Variants in CDH13 observed in about 807,000 individuals in gnomAD.
CDH13 encodes the protein cadherin-13.
Under a neutral mutation model 63.8 loss-of-function variants are expected in CDH13, and 24 were observed. That is an observed-to-expected ratio of 0.38 (90% CI 0.27 to 0.53). The LOEUF (loss-of-function observed/expected upper bound fraction) is 0.53. Among genes scored for constraint, CDH13 ranks in the 20% least tolerant of loss-of-function variants. The pLI is 0.85. For synonymous variants in CDH13, 503 were observed against 355.3 expected, an observed-to-expected ratio of 1.42 and a Z score of -4.67; for missense variants, 1,049 against 903.1, an observed-to-expected ratio of 1.16 and a Z score of -2.07.
intron 2 of CDH13, among the ~76,000 whole-genome samples, chr16:82,937,810 T>C (rs2042717933): frequency 6.6e-6 from 1 of 152,270 alleles, no homozygotes; most frequent in South Asian, 2.1e-4. Context: ...GTAGATTTAA[T>C]GTTGTTTATT....
At chr16:83,495,177 C>A (rs779222114) in intron 7 of CDH13, among the ~76,000 whole-genome samples, 6 of 152,090 alleles carry the variant, frequency 3.9e-5, no homozygotes, top group Non-Finnish European at 7.4e-5. Context: ...AACATATGCC[C>A]AAGGTGGTCG....
At chr16:82,743,716 G>C (rs1009632089) in intron 1 of CDH13, among the ~76,000 whole-genome samples, 1 of 152,148 alleles carries the variant, frequency 6.6e-6, no homozygotes, top group African/African-American at 2.4e-5. Context: ...GTCAAGTGTT[G>C]CTTGTCCCCC....
intron 2 of CDH13, among the ~76,000 whole-genome samples, chr16:83,006,633 A>G (rs1913526110): frequency 6.6e-6 from 1 of 152,210 alleles, no homozygotes; most frequent in Non-Finnish European, 1.5e-5. Context: ...TCCCTCTGAT[A>G]GTGTCTAAAG....
chr16:83,533,754 G>T (rs1026567417), intron 7 of CDH13, among the ~76,000 whole-genome samples: 1 of 150,862 alleles, frequency 6.6e-6, no homozygotes, highest in African/African-American at 2.4e-5. Flanking sequence ...CTGAGTAGCT[G>T]GGATTACAGG....
intron 5 of CDH13, among the ~76,000 whole-genome samples, chr16:83,265,726 G>GTTTTTTTTTTTTT (rs1907529856): frequency 2.4e-5 from 1 of 40,840 alleles, no homozygotes; most frequent in Non-Finnish European, 4.7e-5. Context: ...CTAAATTTCT[G>GTTTTTTTTTTTTT]CTTTTTTTTT....
chr16:83,738,677 G>A (rs1250724955), intron 10 of CDH13, among the ~76,000 whole-genome samples: 3 of 152,186 alleles, frequency 2.0e-5, no homozygotes, highest in Admixed American at 6.5e-5. Context: ...GGAGGCCAAG[G>A]CAGGTGGATC....
chr16:83,551,950 A>T (rs1193657804), intron 7 of CDH13, among the ~76,000 whole-genome samples: 1 of 152,188 alleles, frequency 6.6e-6, no homozygotes, highest in East Asian at 1.9e-4. Context: ...ATAAGTGGAT[A>T]GGTGGATGGA....
intron 3 of CDH13, among the ~76,000 whole-genome samples, chr16:83,053,348 T>C (rs2030586341): frequency 1.3e-5 from 2 of 152,150 alleles, no homozygotes; most frequent in Admixed American, 6.5e-5. Flanking sequence ...CCTTCTTTCT[T>C]TTTTGGCTTT....
At chr16:83,217,608 T>G (rs930586993) in intron 5 of CDH13, 111 bp downstream of exon 5, 6 of 1,064,180 alleles carry the variant, frequency 5.6e-6, no homozygotes, top group Non-Finnish European at 6.8e-6. Flanking sequence ...CGGGACTGCA[T>G]GGCTTTAGGG....
chr16:83,267,455 T>G (rs1479346640), intron 5 of CDH13, among the ~76,000 whole-genome samples: 1 of 152,172 alleles, frequency 6.6e-6, no homozygotes, highest in Non-Finnish European at 1.5e-5. Context: ...GTGTGTGCGA[T>G]GATTTAAATG....
At chr16:82,879,566 AT>A (rs2040621565) in intron 2 of CDH13, among the ~76,000 whole-genome samples, 1 of 142,458 alleles carries the variant, frequency 7.0e-6, no homozygotes, top group African/African-American at 2.6e-5. Flanking sequence ...TATATTGTAT[AT>A]TTTATATACA....
At chr16:83,243,090 C>T (rs764474102) in intron 5 of CDH13, among the ~76,000 whole-genome samples, 62 of 152,210 alleles carry the variant, frequency 4.1e-4, no homozygotes, top group African/African-American at 1.4e-3. Context: ...GGACTGGAAC[C>T]CTGGCCACTT....
At chr16:83,447,075 C>CA (rs1218838281) in intron 6 of CDH13, among the ~76,000 whole-genome samples, 1 of 42,062 alleles carries the variant, frequency 2.4e-5, no homozygotes, top group Non-Finnish European at 4.9e-5. Flanking sequence ...AAAAAAAAAA[C>CA]AAAAAACACC....
intron 9 of CDH13, among the ~76,000 whole-genome samples, chr16:83,676,439 T>C (rs1184005769): frequency 6.6e-6 from 1 of 152,096 alleles, no homozygotes; most frequent in Non-Finnish European, 1.5e-5. Flanking sequence ...AGGATCCTAA[T>C]TGAGATGAAT....
intron 4 of CDH13, among the ~76,000 whole-genome samples, chr16:83,182,078 A>G (rs1163902258): frequency 6.6e-6 from 1 of 152,186 alleles, no homozygotes; most frequent in Non-Finnish European, 1.5e-5. Context: ...GTACTCAGTA[A>G]TTGCTCAATA....
chr16:83,602,134 AAAAAAAAAACCC>A, intron 7 of CDH13, among the ~76,000 whole-genome samples: 1 of 94,358 alleles, frequency 1.1e-5, no homozygotes, highest in East Asian at 2.8e-4. Flanking sequence ...AAAAAAAAAA[AAAAAAAAAACCC>A]AAAGGACAAT....
intron 2 of CDH13, among the ~76,000 whole-genome samples, chr16:82,883,429 G>A (rs1390815965): frequency 6.6e-6 from 1 of 152,152 alleles, no homozygotes; most frequent in Non-Finnish European, 1.5e-5. Context: ...AGATTGCCAG[G>A]CCCTTTGCCT....
Position 83,486,499 on chromosome 16 carries a change from A to T in CDH13, c.804A>T (p.Thr268=). The change falls in exon 7 of 14, where the codon ACA becomes ACT. Residue 268 remains threonine, a synonymous_variant. Transcript: ENST00000567109. ...TAGGCACCACAGTGATGCGGATGAC[A>T]GCCTTTGATGCAGATGACCCAGCCA... The part of the protein sequence containing the change: ...SPTGTTVMRM[T]AFDADDPATD... 6.2e-7 allele frequency: 1 copy of T among 1,613,666 alleles called. No homozygotes were observed. Among genetic ancestry groups the T allele is most frequent in the Non-Finnish European group, 8.5e-7 (1 of 1,179,718 alleles).
At chr16:82,647,636 T>A (rs1910253907) in intron 1 of CDH13, among the ~76,000 whole-genome samples, 2 of 152,236 alleles carry the variant, frequency 1.3e-5, no homozygotes, top group East Asian at 3.9e-4. Flanking sequence ...TGGTTGGCAT[T>A]GATTCAAAGC....
Sources: gnomAD v4.1 joint callset for allele counts (sites outside exome capture counted in the v4.1 genomes callset) on GRCh38, gnomAD v4.1.1 for gene constraint, MANE v1.5 for transcripts, NCBI Gene and HGNC (gene_info 2026-07-23, HGNC 2026-07-21) for gene names.